KAT14: variants seen among roughly 807,000 people sequenced by gnomAD.
KAT14 encodes the protein cysteine-rich protein 2-binding protein.
Under a neutral mutation model 78.4 loss-of-function variants are expected in KAT14, and 66 were observed. The observed-to-expected ratio is 0.84, with a 90% CI of 0.69 to 1.03. The LOEUF (loss-of-function observed/expected upper bound fraction) is 1.03. Ranked by LOEUF, KAT14 falls within the 50% of genes least tolerant of loss-of-function variation. KAT14 has a pLI of 0.00. For missense variants in KAT14, 870 were observed against 972.5 expected, an observed-to-expected ratio of 0.89 and a Z score of 1.40; for synonymous variants, 344 against 359.4, an observed-to-expected ratio of 0.96 and a Z score of 0.48.
intron 4 of KAT14, 147 bp from the exon 5 acceptor site, chr20:18,158,937 G>A: frequency 1.0e-6 from 1 of 973,696 alleles, no homozygotes; most frequent in Admixed American, 3.6e-5. Flanking sequence ...GAACTCCAGA[G>A]CCTCTCTCCT....
intron 4 of KAT14, among the ~76,000 whole-genome samples, chr20:18,153,422 T>A (rs1006149892): frequency 7.9e-5 from 12 of 152,222 alleles, no homozygotes; most frequent in Admixed American, 7.9e-4. Flanking sequence ...TTATGGACCT[T>A]AATGTACCCC....
At chr20:18,158,713 G>C (rs561420024) in intron 4 of KAT14, among the ~76,000 whole-genome samples, 44 of 152,342 alleles carry the variant, frequency 2.9e-4, no homozygotes, top group Non-Finnish European at 6.2e-4. Context: ...CTTGGGAGCT[G>C]TGCTTAATTC....
chr20:18,140,263 C>T (rs375470978), intron 1 of KAT14, among the ~76,000 whole-genome samples: 6 of 151,668 alleles, frequency 4.0e-5, no homozygotes, highest in Non-Finnish European at 5.9e-5. Flanking sequence ...TAAGCACCTC[C>T]GTTTTTGTCT....
rs752802825 is a variant in KAT14 at position 18,150,901 on chromosome 20, T to C, written c.459T>C (p.Cys153=). Residue 153 remains cysteine (C), a synonymous_variant, in exon 4 of 11, where the codon TGT becomes TGC. Coordinates refer to ENST00000688188, the MANE Select transcript of KAT14 (RefSeq NM_001392073.1). ...ATTTCAGGTGGAAAGAAGATATCTG[T>C]GCTTTTATTGAGAAACATTGGACTT... ...QGYFRWKEDI[C]AFIEKHWTFL... is the part of the protein sequence containing the mutation. 6.2e-7 allele frequency: 1 copy of C among 1,614,246 alleles called. No homozygotes were observed. The highest frequency in any genetic ancestry group is 1.1e-5 in the South Asian group (1 of 91,090).
At chr20:18,160,120 C>G (rs926998127) in intron 5 of KAT14, among the ~76,000 whole-genome samples, 7 of 152,162 alleles carry the variant, frequency 4.6e-5, no homozygotes, top group Admixed American at 2.0e-4. Flanking sequence ...AGGCTGATCT[C>G]GAACTCCTGA....
rs1352455662 is a variant in KAT14, at chr20:18,168,192, T to TACATAC, written c.1668+5249_1668+5254dup. ...TGAAATTATGACTTCATTATCATCTTACATACAGTGTCACTCCTGAGAACC... is the reference window on the plus strand; with the variant it reads ...TGAAATTATGACTTCATTATCATCTTACATACACATACAGTGTCACTCCTGAGAACC... On this transcript the variant is annotated intron_variant, in intron 7 of 10. Coordinates refer to ENST00000688188, the MANE Select transcript of KAT14 (RefSeq NM_001392073.1). 2.6e-5 allele frequency among the ~76,000 whole-genome samples: 4 copies of TACATAC among 152,350 alleles called. No individual in the cohort carries two copies. The South Asian group carries it at 6.2e-4, about 24-fold the overall frequency.
chr20:18,164,889 T>G (rs2038584922), intron 7 of KAT14, among the ~76,000 whole-genome samples: 1 of 152,170 alleles, frequency 6.6e-6, no homozygotes, highest in Non-Finnish European at 1.5e-5. Context: ...CCCAAAGTGC[T>G]GGGATTACAG....
At position 18,183,165 on chromosome 20, in the gene KAT14, A is replaced by G. The variant is rs746522832; in HGVS notation, c.1848A>G (p.Ser616=). 17 of 1,613,360 alleles carry G rather than the reference A, an allele frequency of 1.1e-5. No homozygotes were observed. Among genetic ancestry groups the G allele is most frequent in the Non-Finnish European group, 1.4e-5 (16 of 1,179,728 alleles). Residue 616 remains serine, a synonymous_variant, in exon 9 of 11, where the codon TCA becomes TCG. Transcript: ENST00000688188. ...AGCCACCCAAACTGCAGCTCCTGTC[A>G]CAGATTCGTTCCCACCTGCACAGGA... ...ETKPPKLQLL[S]QIRSHLHRSD... is the part of the protein sequence containing the mutation.
intron 7 of KAT14, among the ~76,000 whole-genome samples, chr20:18,175,869 A>G (rs1002810936): frequency 3.7e-4 from 56 of 151,998 alleles, no homozygotes; most frequent in Middle Eastern, 3.4e-3. Context: ...AAAAAATACA[A>G]AAATTAGCCA....
intron 6 of KAT14, 57 bp downstream of exon 6, chr20:18,162,296 A>G (rs1294756349): frequency 2.9e-5 from 46 of 1,608,170 alleles, no homozygotes; most frequent in Admixed American, 1.0e-4. Flanking sequence ...GTATAAATGT[A>G]CAAGTTTTCA....
At chr20:18,137,290 A>AAATTATAAT (rs1266523189), upstream of KAT14, among the ~76,000 whole-genome samples, 1 of 125,426 alleles carries the variant, frequency 8.0e-6, no homozygotes, top group Admixed American at 7.3e-5. Flanking sequence ...CTCTGTATCA[A>AAATTATAAT]AATTATAATA....
chr20:18,153,715 G>A (rs1379236475), intron 4 of KAT14, among the ~76,000 whole-genome samples: 2 of 152,156 alleles, frequency 1.3e-5, no homozygotes, highest in Non-Finnish European at 2.9e-5. Context: ...TTTATTTAGT[G>A]TGTTGGCCAT....
chr20:18,178,231 A>G (rs1475950696), intron 7 of KAT14, among the ~76,000 whole-genome samples: 2 of 152,200 alleles, frequency 1.3e-5, no homozygotes, highest in Non-Finnish European at 2.9e-5. Context: ...AAAAAAACCT[A>G]TTTTTTGAGG....
chr20:18,181,824 C>T lies in KAT14; in HGVS notation c.1783C>T (p.Arg595Trp), dbSNP rs1265153354. The change falls in exon 8 of 11, where the codon CGG becomes TGG. Residue 595 changes from arginine to tryptophan, a missense_variant. Coordinates refer to ENST00000688188, the MANE Select transcript of KAT14 (RefSeq NM_001392073.1). ...DQSIVSPYTSRILKPYIRRDY... is the reference protein window; with the variant it reads ...DQSIVSPYTSWILKPYIRRDY... ...GAGTATTGTCAGCCCTTATACCTCT[C>T]GGATCTTGAAACCTTATATCAGGTA... 1.2e-6 allele frequency: 2 copies of T among 1,613,958 alleles called. No homozygotes were observed. The highest frequency in any genetic ancestry group is 8.5e-7 in the Non-Finnish European group (1 of 1,180,004).
intron 5 of KAT14, among the ~76,000 whole-genome samples, chr20:18,159,746 A>T (rs6045221): frequency 0.78 from 119,402 of 152,140 alleles, 47,034 homozygotes; most frequent in East Asian, 0.86. Context: ...ATATCTTAGT[A>T]TGTATCTCTA....
intron 1 of KAT14, chr20:18,138,499 C>G: frequency 3.1e-6 from 3 of 977,770 alleles, no homozygotes; most frequent in Non-Finnish European, 3.6e-6. Context: ...TCCCTCCTGG[C>G]CCAAGGTTGG....
At chr20:18,146,724 G>A (rs537990119) in intron 3 of KAT14, among the ~76,000 whole-genome samples, 1 of 152,024 alleles carries the variant, frequency 6.6e-6, no homozygotes, top group South Asian at 2.1e-4. Context: ...GCACTCCTGT[G>A]GTCCCAGCTT....
In KAT14 at chr20:18,162,726, G is replaced by A. The variant is rs1242634306; in HGVS notation, c.1449G>A (p.Met483Ile). 3.7e-6 allele frequency: 6 copies of A among 1,614,112 alleles called. No homozygotes were observed. The highest frequency in any genetic ancestry group is 5.1e-6 in the Non-Finnish European group (6 of 1,180,048). Residue 483 changes from methionine (M) to isoleucine (I), a missense_variant, in exon 7 of 11, where the codon ATG becomes ATA. Met to Ile is a conservative substitution (Grantham distance 10). Coordinates refer to ENST00000688188, the MANE Select transcript of KAT14 (RefSeq NM_001392073.1). ...RLEACPGAVA[M>I]TPEARRLKRK... ...AAGCTTGTCCCGGTGCTGTTGCCAT[G>A]ACTCCGGAAGCTCGGAGACTGAAAC...
chr20:18,153,755 T>C (rs1044853903), intron 4 of KAT14, among the ~76,000 whole-genome samples: 1 of 152,238 alleles, frequency 6.6e-6, no homozygotes, highest in Non-Finnish European at 1.5e-5. Flanking sequence ...TATTATTTAT[T>C]TGATCTTCCT....
Sources: allele counts gnomAD v4.1 joint callset (sites outside exome capture counted in the v4.1 genomes callset), GRCh38; gene constraint gnomAD v4.1.1; transcripts MANE v1.5; gene names NCBI Gene and HGNC (gene_info 2026-07-23, HGNC 2026-07-21).